Variants in SAMD5 observed in about 807,000 individuals in gnomAD.
SAMD5 encodes sterile alpha motif domain containing 5.
In SAMD5, 13 loss-of-function variants were observed where a neutral mutation model predicts 11.3. The observed-to-expected ratio is 1.15, with a 90% confidence interval of 0.75 to 1.83. The LOEUF is 1.83. SAMD5 is among the 40% of genes most tolerant of loss of function. The pLI is 0.00. For missense variants in SAMD5, 255 were observed against 239.1 expected, an observed-to-expected ratio of 1.07 and a Z score of -0.44; for synonymous variants, 129 against 111.3, an observed-to-expected ratio of 1.16 and a Z score of -1.00.
intron 1 of SAMD5, among the ~76,000 whole-genome samples, chr6:147,727,405 A>T (rs753976369): frequency 3.9e-5 from 6 of 152,196 alleles, no homozygotes; most frequent in Non-Finnish European, 8.8e-5. Flanking sequence ...TACCTGGGTC[A>T]TAGCCCTTAC....
the SAMD5 span, among the ~76,000 whole-genome samples, chr6:147,809,491 C>T: frequency 8.1e-4 from 123 of 151,798 alleles, no homozygotes; most frequent in African/African-American, 2.9e-3. Flanking sequence ...AAAAAAAAAA[C>T]TCAGGGAAAA....
the SAMD5 span, among the ~76,000 whole-genome samples, chr6:147,841,326 A>G: frequency 6.6e-6 from 1 of 152,196 alleles, no homozygotes; most frequent in African/African-American, 2.4e-5. Context: ...ATAAACTGGG[A>G]ACAACAAAGA....
the SAMD5 span, among the ~76,000 whole-genome samples, chr6:147,896,701 TA>T: frequency 8.6e-6 from 1 of 115,678 alleles, no homozygotes; most frequent in Non-Finnish European, 2.0e-5. Flanking sequence ...GGAGTTTTTT[TA>T]AAAAAATTCA....
chr6:147,738,550 T>C (rs1791837479), downstream of SAMD5, among the ~76,000 whole-genome samples: 1 of 152,212 alleles, frequency 6.6e-6, no homozygotes, highest in African/African-American at 2.4e-5. Flanking sequence ...TTGGCTTCAT[T>C]ATGAGCTTGT....
At chr6:147,816,301 A>AAAAAAAAAAAAAAATATATATAT in the SAMD5 span, among the ~76,000 whole-genome samples, 6 of 66,350 alleles carry the variant, frequency 9.0e-5, no homozygotes, top group Admixed American at 2.0e-4. Context: ...AAAAAAAAAA[A>AAAAAAAAAAAAAAATATATATAT]ATATATATAT....
Position 147,567,051 on chromosome 6 carries a change from A to T in SAMD5, c.*2595A>T, listed in dbSNP as rs538151884. Reference sequence around the variant, plus strand: ...TACATTTCCTAGAGTATTAAAAGAGATTAATTACAGACTTTCACTTGATAA... The same window carrying T: ...TACATTTCCTAGAGTATTAAAAGAGTTTAATTACAGACTTTCACTTGATAA... On this transcript the variant is annotated 3_prime_UTR_variant, in exon 2 of 2. Coordinates refer to ENST00000367474, the MANE Select transcript of SAMD5 (RefSeq NM_001030060.3). 32 of 951,164 alleles carry T rather than the reference A, an allele frequency of 3.4e-5. No homozygotes were observed. The South Asian group carries it at 1.5e-3, about 43-fold the overall frequency. The allele number at this position is 951,164 out of a possible 1,614,324, so 58.9% of individuals were successfully genotyped here.
At chr6:147,883,803 GTAA>G in the SAMD5 span, among the ~76,000 whole-genome samples, 2 of 152,154 alleles carry the variant, frequency 1.3e-5, no homozygotes, top group African/African-American at 4.8e-5. Flanking sequence ...CACTGCAAAT[GTAA>G]TAATAAAGGC....
At chr6:147,652,382 A>G (rs1790498427) in intron 1 of SAMD5, among the ~76,000 whole-genome samples, 1 of 152,208 alleles carries the variant, frequency 6.6e-6, no homozygotes, top group Admixed American at 6.5e-5. Context: ...TCAACCTAGC[A>G]AAAACATATA....
the SAMD5 span, among the ~76,000 whole-genome samples, chr6:147,949,902 G>A: frequency 6.6e-6 from 1 of 152,126 alleles, no homozygotes; most frequent in Non-Finnish European, 1.5e-5. Flanking sequence ...TGTAGAATTG[G>A]ACTGAATTAT....
At chr6:147,909,634 C>CTTTCT in the SAMD5 span, among the ~76,000 whole-genome samples, 1,102 of 66,560 alleles carry the variant, frequency 0.017, 94 homozygotes, top group East Asian at 0.053. Flanking sequence ...CTTTCTTTCT[C>CTTTCT]TTTCTTGTCT....
At chr6:147,918,685 ATTCTTTTTT>A in the SAMD5 span, among the ~76,000 whole-genome samples, 2 of 121,206 alleles carry the variant, frequency 1.7e-5, no homozygotes, top group African/African-American at 3.3e-5. Context: ...AATCACAAGC[ATTCTTTTTT>A]TTTTTTTTTT....
At chr6:147,663,048 C>T (rs1165216097) in intron 1 of SAMD5, among the ~76,000 whole-genome samples, 1 of 152,178 alleles carries the variant, frequency 6.6e-6, no homozygotes, top group East Asian at 1.9e-4. Context: ...TAGCATACCC[C>T]TATGCAATTA....
At chr6:147,861,213 G>A in the SAMD5 span, among the ~76,000 whole-genome samples, 1 of 151,544 alleles carries the variant, frequency 6.6e-6, no homozygotes, top group Non-Finnish European at 1.5e-5. Context: ...CACTCAGGCT[G>A]GAGTGCAATG....
rs59972470 is a variant in SAMD5, at chr6:147,662,144, T to C, written c.163-75173T>C. On this transcript the variant is annotated intron_variant, in intron 1 of 1. Transcript: ENST00000566741. ...GACTAGCAGGGCTTCCCATGCTTACTGGTGAGCATGTTTCTTTGGTGTAAT... is the reference window on the plus strand; with the variant it reads ...GACTAGCAGGGCTTCCCATGCTTACCGGTGAGCATGTTTCTTTGGTGTAAT... Among the ~76,000 whole-genome samples, 1,227 of 151,598 alleles carry C rather than the reference T, an allele frequency of 8.1e-3. 17 individuals are homozygous for C. The highest frequency in any genetic ancestry group is 0.029 in the African/African-American group (1,171 of 40,846).
At chr6:147,780,781 G>C in the SAMD5 span, among the ~76,000 whole-genome samples, 15 of 152,264 alleles carry the variant, frequency 9.9e-5, no homozygotes, top group East Asian at 2.9e-3. Context: ...AGCTACTTAT[G>C]GAAAAATATA....
intron 1 of SAMD5, among the ~76,000 whole-genome samples, chr6:147,519,203 C>T (rs139300948): frequency 3.9e-5 from 6 of 152,124 alleles, no homozygotes; most frequent in Admixed American, 3.9e-4. Flanking sequence ...GATTTTTTCC[C>T]CTAGAATATA....
At chr6:147,855,690 TAAAAG>T in the SAMD5 span, among the ~76,000 whole-genome samples, 1 of 152,016 alleles carries the variant, frequency 6.6e-6, no homozygotes, top group Non-Finnish European at 1.5e-5. Flanking sequence ...AATAAAAAAA[TAAAAG>T]AACCCAGAAG....
intron 1 of SAMD5, among the ~76,000 whole-genome samples, chr6:147,552,547 G>A (rs556540489): frequency 1.4e-4 from 21 of 152,308 alleles, no homozygotes; most frequent in Admixed American, 8.5e-4. Context: ...CATTGTCAGT[G>A]AACATCTGCA....
Position 147,564,844 on chromosome 6 carries a change from A to C in SAMD5, c.*388A>C. On this transcript the variant is annotated 3_prime_UTR_variant, in exon 2 of 2. Coordinates refer to ENST00000367474, the MANE Select transcript of SAMD5 (RefSeq NM_001030060.3). ...ACAAAAAGGTAGATTTCTGACAGTA[A>C]GTAGTAATTATATTATTTCCAAATT... The C allele has an allele frequency of 5.2e-6, 5 of 955,750 alleles. No homozygotes were observed. The highest frequency in any genetic ancestry group is 6.2e-6 in the Non-Finnish European group (5 of 801,588). The allele number at this position is 955,750 out of a possible 1,614,324, so 59.2% of individuals were successfully genotyped here. A position where few individuals can be genotyped will look rare whatever the true frequency, so the allele number is the denominator to read the frequency against.
Sources: gnomAD v4.1 joint callset for allele counts (sites outside exome capture counted in the v4.1 genomes callset) on GRCh38, gnomAD v4.1.1 for gene constraint, MANE v1.5 for transcripts, NCBI Gene and HGNC (gene_info 2026-07-23, HGNC 2026-07-21) for gene names.